Variants in INSC observed in about 807,000 individuals in gnomAD.
INSC encodes the protein protein inscuteable homolog.
Under a neutral mutation model 58.6 loss-of-function variants are expected in INSC, and 67 were observed. That is an observed-to-expected ratio of 1.14 (90% confidence interval 0.94 to 1.40). INSC has a LOEUF of 1.40. INSC is among the 40% of genes most tolerant of loss of function. The probability of loss-of-function intolerance (pLI) is 0.00; values close to 1 mark genes in which losing one functional copy is unlikely to be tolerated. For missense variants in INSC, 714 were observed against 692.0 expected (o/e 1.03, Z -0.36); for synonymous variants, 262 against 276.1 (o/e 0.95, Z 0.51).
chr11:15,150,309 G>A (rs17413754), intron 2 of INSC, among the ~76,000 whole-genome samples: 55,090 of 152,064 alleles, frequency 0.36, 10,272 homozygotes, highest in Middle Eastern at 0.39. Context: ...GAAGCAGCAT[G>A]ATAGGCAGAT....
downstream of INSC, among the ~76,000 whole-genome samples, chr11:15,250,357 C>T (rs542905962): frequency 2.0e-5 from 3 of 152,162 alleles, no homozygotes; most frequent in Admixed American, 1.3e-4. Flanking sequence ...TAAGATTAAG[C>T]GAGATCATTT....
At chr11:15,260,124 G>A in the INSC span, among the ~76,000 whole-genome samples, 1 of 152,148 alleles carries the variant, frequency 6.6e-6, no homozygotes, top group African/African-American at 2.4e-5. Context: ...CTGCCTGAGG[G>A]AGGCCGACCC....
intron 9 of INSC, among the ~76,000 whole-genome samples, chr11:15,232,602 C>T (rs781304498): frequency 6.6e-6 from 1 of 152,128 alleles, no homozygotes; most frequent in Non-Finnish European, 1.5e-5. Flanking sequence ...GGGATGTCCA[C>T]ATCCTAATCC....
At position 15,240,489 on chromosome 11, in the gene INSC, G is replaced by A; in HGVS notation, c.1436G>A (p.Arg479Lys). ...GAGCTCTGCAGATCCCCATCAGAGA[G>A]GAACAGCAGTGACGCCGTGCTTGTG... Reference protein sequence around the residue: ...LIELCRSPSERNSSDAVLVAC... With the variant: ...LIELCRSPSEKNSSDAVLVAC... The change falls in exon 12 of 13, where the codon AGG becomes AAG. Residue 479 changes from arginine (R) to lysine (K), a missense_variant. Coordinates refer to ENST00000379556, the MANE Select transcript of INSC (RefSeq NM_001042536.3). 1 of 1,613,962 alleles carries A rather than the reference G, an allele frequency of 6.2e-7. No homozygotes were observed. Among genetic ancestry groups the A allele is most frequent in the Non-Finnish European group, 8.5e-7 (1 of 1,179,970 alleles).
At chr11:15,122,915 C>T (rs1429388133) in intron 1 of INSC, among the ~76,000 whole-genome samples, 1 of 152,170 alleles carries the variant, frequency 6.6e-6, no homozygotes, top group Non-Finnish European at 1.5e-5. Flanking sequence ...TCCTATTGAT[C>T]TTAAGATAAA....
chr11:15,238,837 C>G, intron 10 of INSC, 82 bp from the exon 11 acceptor site: 1 of 1,454,774 alleles, frequency 6.9e-7, no homozygotes, highest in Non-Finnish European at 9.4e-7. Context: ...TTGCTTGCAC[C>G]CTGCAGCCAT....
chr11:15,115,781 C>T (rs1186915973), intron 1 of INSC, among the ~76,000 whole-genome samples: 1 of 152,210 alleles, frequency 6.6e-6, no homozygotes, highest in Non-Finnish European at 1.5e-5. Flanking sequence ...ACACTCTTCT[C>T]AGGATAGCCA....
downstream of INSC, among the ~76,000 whole-genome samples, chr11:15,250,960 A>C (rs973190767): frequency 2.0e-5 from 3 of 152,232 alleles, no homozygotes; most frequent in African/African-American, 7.2e-5. Context: ...AACTTTGAAA[A>C]TTAATTAAAG....
In INSC at chr11:15,243,057, A is replaced by G. The variant is rs893240781; in HGVS notation, c.1470+2534A>G. 2.6e-5 allele frequency among the ~76,000 whole-genome samples: 4 copies of G among 152,230 alleles called. No individual in the cohort carries two copies. The South Asian group carries it at 8.3e-4, about 32-fold the overall frequency. ...CTTCCCAGGGCAGAGGACTTTTTCC[A>G]GCATTTTGTATATCCATGGGACCTT... On this transcript the variant is annotated intron_variant, in intron 12 of 12. Coordinates refer to ENST00000379556, the MANE Select transcript of INSC (RefSeq NM_001042536.3).
At chr11:15,151,291 T>A (rs532536766) in intron 2 of INSC, among the ~76,000 whole-genome samples, 1 of 152,260 alleles carries the variant, frequency 6.6e-6, no homozygotes, top group South Asian at 2.1e-4. Flanking sequence ...GGGAATGTAA[T>A]ACCCACCACC....
the INSC span, among the ~76,000 whole-genome samples, chr11:15,260,963 G>T: frequency 6.6e-6 from 1 of 152,328 alleles, no homozygotes; most frequent in East Asian, 1.9e-4. Flanking sequence ...CAAAGGTTAG[G>T]CCCTAAGCCA....
In INSC at chr11:15,177,140, G is replaced by A. The variant is rs144933765; in HGVS notation, c.432G>A (p.Ser144=). Residue 144 remains serine, a synonymous_variant, in exon 4 of 13, where the codon TCG becomes TCA. Transcript: ENST00000379556. The stretch of plus-strand genomic sequence containing the variant: ...AGAAGCTGCTAATGGAGAAATGCTC[G>A]GAGCTCTCGGCAGTCACAGAGAGGT... ...EIEKLLMEKC[S]ELSAVTERCL... is the part of the protein sequence containing the mutation. 1.5e-4 allele frequency: 238 copies of A among 1,613,972 alleles called. 1 individual carries two copies. The African/African-American group carries it at 2.1e-3, about 14-fold the overall frequency.
chr11:15,132,986 T>G (rs1201359863), intron 1 of INSC, among the ~76,000 whole-genome samples: 1 of 152,224 alleles, frequency 6.6e-6, no homozygotes, highest in African/African-American at 2.4e-5. Context: ...ATATGTTTTG[T>G]ATTTATCTTG....
At chr11:15,256,541 GT>G in the INSC span, among the ~76,000 whole-genome samples, 1 of 150,902 alleles carries the variant, frequency 6.6e-6, no homozygotes, top group Non-Finnish European at 1.5e-5. Context: ...CCAGGCTGGA[GT>G]ACAGTGGCAA....
intron 6 of INSC, among the ~76,000 whole-genome samples, chr11:15,191,977 A>C (rs1363975417): frequency 1.3e-5 from 2 of 152,234 alleles, no homozygotes; most frequent in Non-Finnish European, 2.9e-5. Flanking sequence ...TATTCCTCCC[A>C]AAACAGGAGG....
At chr11:15,249,058 G>C (rs1852622633), downstream of INSC, among the ~76,000 whole-genome samples, 1 of 152,184 alleles carries the variant, frequency 6.6e-6, no homozygotes, top group Non-Finnish European at 1.5e-5. Flanking sequence ...CATGGAGTCT[G>C]GGCAGGGAGG....
intron 8 of INSC, among the ~76,000 whole-genome samples, chr11:15,223,766 G>A (rs1219324728): frequency 6.6e-6 from 1 of 152,204 alleles, no homozygotes; most frequent in African/African-American, 2.4e-5. Flanking sequence ...AAAATCAGAG[G>A]ATAAGGCAAT....
At chr11:15,169,891 C>T (rs908136218) in intron 2 of INSC, among the ~76,000 whole-genome samples, 8 of 152,148 alleles carry the variant, frequency 5.3e-5, no homozygotes, top group Non-Finnish European at 1.2e-4. Context: ...AACTAAGGGA[C>T]CAGCATTGGT....
At chr11:15,198,764 C>G (rs1021411542) in intron 6 of INSC, among the ~76,000 whole-genome samples, 1 of 151,998 alleles carries the variant, frequency 6.6e-6, no homozygotes, top group Non-Finnish European at 1.5e-5. Flanking sequence ...CTTTTCTTCT[C>G]ATTCTAAAGA....
Sources: gnomAD v4.1 joint callset for allele counts (sites outside exome capture counted in the v4.1 genomes callset) on GRCh38, gnomAD v4.1.1 for gene constraint, MANE v1.5 for transcripts, NCBI Gene and HGNC (gene_info 2026-07-23, HGNC 2026-07-21) for gene names.